The following DPH7 variants were observed in gnomAD, a reference collection of about 807,000 sequenced individuals.
DPH7 encodes diphthine methyltransferase.
DPH7 carries 44 observed loss-of-function variants against 41.7 expected under a neutral mutation model. The ratio of observed to expected loss-of-function variants is 1.05; its 90% CI spans 0.83 to 1.36. DPH7 has a LOEUF of 1.36. Among genes scored for constraint, DPH7 ranks in the 40% most tolerant of loss-of-function variants. The probability of loss-of-function intolerance (pLI) is 0.00; values close to 1 mark genes in which losing one functional copy is unlikely to be tolerated. For synonymous variants in DPH7, 275 were observed against 238.0 expected (o/e 1.16, Z -1.43); for missense variants, 629 against 577.5 (o/e 1.09, Z -0.91).
chr9:137,560,452 G>A (rs964169859), intron 8 of DPH7, among the ~76,000 whole-genome samples: 29 of 152,224 alleles, frequency 1.9e-4, no homozygotes, highest in African/African-American at 7.0e-4. Flanking sequence ...CAGGCGTGGT[G>A]GCTCATACCT....
intron 5 of DPH7, among the ~76,000 whole-genome samples, chr9:137,569,369 A>G (rs1316126408): frequency 9.1e-6 from 1 of 109,386 alleles, no homozygotes; most frequent in African/African-American, 3.6e-5. Context: ...ACAATCCACC[A>G]TCCATCCACC....
intron 8 of DPH7, among the ~76,000 whole-genome samples, chr9:137,561,681 A>G (rs1838632073): frequency 6.6e-6 from 1 of 152,194 alleles, no homozygotes; most frequent in African/African-American, 2.4e-5. Context: ...TGACTTTAAA[A>G]CAAAAAATGT....
intron 8 of DPH7, 84 bp from the exon 9 acceptor site, chr9:137,555,732 C>T (rs1837396917): frequency 7.0e-7 from 1 of 1,433,630 alleles, no homozygotes; most frequent in Non-Finnish European, 9.3e-7. Flanking sequence ...AGGGAGACTC[C>T]AAGAACAGCC....
At position 137,556,996 on chromosome 9, in the gene DPH7, G is replaced by A. The variant is rs906655102; in HGVS notation, c.950-1348C>T. 4.1e-5 allele frequency: 18 copies of A among 435,580 alleles called. No individual in the cohort carries two copies. Among genetic ancestry groups the A allele is most frequent in the Admixed American group, 7.4e-5 (3 of 40,486 alleles). 27.0% of individuals were successfully genotyped at this position (435,580 alleles called of 1,614,324 possible). On this transcript the variant is annotated intron_variant, in intron 8 of 8. Transcript: ENST00000277540. This position sits in a 1 kb window ranked among gnomAD's most constrained non-coding sequence, Gnocchi z 5.2. ...TTTCAAGACAGGACCTCACTCTGTC[G>A]CATAGGCTGGAGTGCACTGACCTGG... is the stretch of plus-strand genomic sequence containing the variant.
At chr9:137,577,952 ACTTTCT>A in intron 1 of DPH7, 28 of 984,406 alleles carry the variant, frequency 2.8e-5, no homozygotes, top group Non-Finnish European at 3.1e-5. Flanking sequence ...TATAATTCCC[ACTTTCT>A]CTTTACTGTA....
intron 8 of DPH7, among the ~76,000 whole-genome samples, chr9:137,561,650 T>C (rs900701808): frequency 2.6e-5 from 4 of 151,778 alleles, no homozygotes; most frequent in African/African-American, 9.7e-5. Flanking sequence ...CTGAAGTGAC[T>C]TTACCAATGC....
chr9:137,569,843 A>ACACCCACCAACTCATC (rs1359935781), intron 5 of DPH7, among the ~76,000 whole-genome samples: 1 of 126,086 alleles, frequency 7.9e-6, no homozygotes, highest in Non-Finnish European at 1.7e-5. Flanking sequence ...CATCCACCAC[A>ACACCCACCAACTCATC]CACCCACCAA....
intron 8 of DPH7, among the ~76,000 whole-genome samples, chr9:137,560,881 G>A (rs1838416987): frequency 6.6e-6 from 1 of 150,820 alleles, no homozygotes; most frequent in African/African-American, 2.4e-5. Flanking sequence ...AATTTGCCGG[G>A]CGTGGTGGTG....
At position 137,564,575 on chromosome 9, in the gene DPH7, G is replaced by A. The variant is rs746226183; in HGVS notation, c.808C>T (p.Arg270Ter). The change falls in exon 8 of 9, where the codon CGA becomes TGA. Residue 270 changes from arginine to a stop codon, truncating the protein, a stop_gained. Coordinates refer to ENST00000277540, the MANE Select transcript of DPH7 (RefSeq NM_138778.5). LOFTEE classifies it high-confidence loss of function. ...TCTGCCAACGGCTGCTTCATGTTTC[G>A]TGTGTCCCACAGTAGGATGTGTTCA... ...YDEHILLWDT[R>*]NMKQPLADTP... 26 of 1,613,620 alleles carry A rather than the reference G, an allele frequency of 1.6e-5. No homozygotes were observed. The highest frequency in any genetic ancestry group is 1.9e-5 in the Non-Finnish European group (23 of 1,179,722).
intron 5 of DPH7, among the ~76,000 whole-genome samples, chr9:137,573,885 G>A (rs1161083041): frequency 6.6e-6 from 1 of 151,912 alleles, no homozygotes; most frequent in East Asian, 1.9e-4. Flanking sequence ...GACCAACATG[G>A]TGAAACCCTG....
chr9:137,561,384 A>G (rs1838556051), intron 8 of DPH7, among the ~76,000 whole-genome samples: 2 of 151,898 alleles, frequency 1.3e-5, no homozygotes, highest in South Asian at 2.1e-4. Context: ...CAATAAAAAT[A>G]CAAAAATTAG....
At chr9:137,574,730 C>T in intron 4 of DPH7, 22 bp downstream of exon 4, 4 of 1,611,206 alleles carry the variant, frequency 2.5e-6, no homozygotes, top group Non-Finnish European at 3.4e-6. Flanking sequence ...ACTCAGGACC[C>T]CTGACCAAGC....
At chr9:137,569,591 C>G (rs1218648559) in intron 5 of DPH7, among the ~76,000 whole-genome samples, 1 of 135,182 alleles carries the variant, frequency 7.4e-6, no homozygotes, top group Non-Finnish European at 1.6e-5. Flanking sequence ...CACCCCCCGT[C>G]TATCAAGCCA....
At position 137,571,530 on chromosome 9, in the gene DPH7, C is replaced by T. The variant is rs542193823; in HGVS notation, c.640+2678G>A. 4.6e-5 allele frequency among the ~76,000 whole-genome samples: 7 copies of T among 152,072 alleles called. No homozygotes were observed. The East Asian group carries it at 1.4e-3, about 30-fold the overall frequency. ...GAAGGCTGAGTGCAGTGGCTGACGC[C>T]TATAATCCCAACACTGGGAGGCTGA... On this transcript the variant is annotated intron_variant, in intron 5 of 8. Transcript: ENST00000277540.
At chr9:137,568,472 T>A (rs1375026522) in intron 5 of DPH7, among the ~76,000 whole-genome samples, 1 of 73,342 alleles carries the variant, frequency 1.4e-5, no homozygotes, top group African/African-American at 6.7e-5. Flanking sequence ...TGACTCTGTC[T>A]GTGAGGAAGC....
chr9:137,565,073 T>G lies in DPH7; in HGVS notation c.710+12A>C. 1 of 1,613,986 alleles carries G rather than the reference T, an allele frequency of 6.2e-7. No individual in the cohort carries two copies. Among genetic ancestry groups the G allele is most frequent in the Non-Finnish European group, 8.5e-7 (1 of 1,179,974 alleles). ...TGGTGTGGGCACCGAGTGCTGGCCC[T>G]TGGGCAGTTACCTTTTGCTGGTGAA... On this transcript the variant is annotated intron_variant, in intron 6 of 8. Transcript: ENST00000277540.
chr9:137,559,157 A>G (rs562677775), intron 8 of DPH7, among the ~76,000 whole-genome samples: 10 of 152,354 alleles, frequency 6.6e-5, no homozygotes, highest in Admixed American at 1.3e-4. Context: ...ATATTATAAT[A>G]ATCCTCGCTC....
At chr9:137,573,360 CAAAAAAAAAAAAA>C (rs34523698) in intron 5 of DPH7, among the ~76,000 whole-genome samples, 3 of 40,278 alleles carry the variant, frequency 7.4e-5, no homozygotes, top group African/African-American at 3.4e-4. Context: ...GACTCCATCT[CAAAAAAAAAAAAA>C]AAAAAAAAAA....
rs116184096 is a variant in DPH7, at chr9:137,572,959, A to G, written c.640+1249T>C. On this transcript the variant is annotated intron_variant, in intron 5 of 8. Transcript: ENST00000277540. ...AAGCATAAAGGATCTGACACCGAGC[A>G]TATCAGGGAGGCAGGATGGCTCTGC... is the stretch of plus-strand genomic sequence containing the variant. Among the ~76,000 whole-genome samples, 1,102 of 152,352 alleles carry G rather than the reference A, an allele frequency of 7.2e-3. 11 individuals are homozygous for G. The highest frequency in any genetic ancestry group is 0.025 in the African/African-American group (1,039 of 41,582).
Sources: gnomAD v4.1 joint callset for allele counts (sites outside exome capture counted in the v4.1 genomes callset) on GRCh38, gnomAD v4.1.1 for gene constraint, Gnocchi (gnomAD v3.1) non-coding constraint, MANE v1.5 for transcripts, NCBI Gene and HGNC (gene_info 2026-07-23, HGNC 2026-07-21) for gene names.